OTC: variants seen among roughly 807,000 people sequenced by gnomAD.
The protein encoded by OTC is ornithine transcarbamylase, mitochondrial.
In OTC, 3 loss-of-function variants were observed where a neutral mutation model predicts 30.3. The observed-to-expected ratio is 0.10, with a 90% CI of 0.05 to 0.26. OTC has a LOEUF of 0.26. OTC is among the 10% of genes least tolerant of loss of function. The pLI, the probability that OTC is intolerant of heterozygous loss-of-function variation, is 1.00. For synonymous variants in OTC, 111 were observed against 99.7 expected (o/e 1.11, Z -0.67); for missense variants, 194 against 260.3 (o/e 0.75, Z 1.75).
chrX:38,356,883 G>T (rs1411621947), intron 1 of OTC, among the ~76,000 whole-genome samples: 2 of 111,814 alleles, frequency 1.8e-5, no homozygotes, highest in Non-Finnish European at 3.8e-5. Flanking sequence ...CATTATTATT[G>T]TTATTGTTAA....
chrX:38,408,859 G>A lies in OTC; in HGVS notation c.718-17G>A, dbSNP rs375464092. On this transcript the variant is annotated splice_polypyrimidine_tract_variant and intron_variant, in intron 7 of 9. Coordinates refer to ENST00000039007, the MANE Select transcript of OTC (RefSeq NM_000531.6). Reference sequence around the variant, plus strand: ...TGTCCCATGAAGTTATTTAACCAGCGTGTTTATGTATGCTAGAATGGTACC... The same window carrying A: ...TGTCCCATGAAGTTATTTAACCAGCATGTTTATGTATGCTAGAATGGTACC... 2 of 1,210,211 alleles carry A rather than the reference G, an allele frequency of 1.7e-6. No homozygotes were observed. Among genetic ancestry groups the A allele is most frequent in the South Asian group, 1.8e-5 (1 of 56,926 alleles).
chrX:38,422,791 T>C (rs777311977), downstream of OTC, among the ~76,000 whole-genome samples: 1 of 112,091 alleles, frequency 8.9e-6, no homozygotes, highest in Admixed American at 9.5e-5. Flanking sequence ...AATTCACCCT[T>C]AACTTTTGCA....
chrX:38,347,947 G>T (rs773714651), upstream of OTC, among the ~76,000 whole-genome samples: 2 of 111,958 alleles, frequency 1.8e-5, no homozygotes, highest in African/African-American at 3.2e-5. Flanking sequence ...CAATTTCAAA[G>T]AAATATTTCA....
At chrX:38,362,981 C>CATTCAGAGAATGCTTAAATAAAGCATT (rs2147321311) in intron 1 of OTC, among the ~76,000 whole-genome samples, 2 of 112,231 alleles carry the variant, frequency 1.8e-5, no homozygotes, top group African/African-American at 6.5e-5. Context: ...TTAAATAAAG[C>CATTCAGAGAATGCTTAAATAAAGCATT]CTGTAGCCTT....
In OTC at chrX:38,421,266, G is replaced by C; in HGVS notation, c.*184G>C. 2.3e-6 allele frequency: 1 copy of C among 429,729 alleles called. No individual in the cohort carries two copies. The highest frequency in any genetic ancestry group is 4.1e-6 in the Non-Finnish European group (1 of 242,882). 35.4% of individuals were successfully genotyped at this position (429,729 alleles called of 1,213,427 possible). A position where few individuals can be genotyped will look rare whatever the true frequency, so the allele number is the denominator to read the frequency against. The stretch of plus-strand genomic sequence containing the variant: ...CCTTTAATTTAAGTGCTGATGCACT[G>C]TAATACGTGCTTAACTTTGCTTAAA... On this transcript the variant is annotated 3_prime_UTR_variant, in exon 10 of 10. Transcript: ENST00000039007.
At chrX:38,346,779 C>G in the OTC span, among the ~76,000 whole-genome samples, 1 of 111,679 alleles carries the variant, frequency 9.0e-6, no homozygotes, top group East Asian at 2.8e-4. Context: ...ATCAATATAC[C>G]AGGGATTAGA....
intron 1 of OTC, among the ~76,000 whole-genome samples, chrX:38,355,114 C>T (rs2068233925): frequency 8.9e-6 from 1 of 111,904 alleles, no homozygotes; most frequent in Non-Finnish European, 1.9e-5. Flanking sequence ...ATAGGAATCG[C>T]AGTTTTGAAG....
chrX:38,357,291 A>C (rs903262123), intron 1 of OTC, among the ~76,000 whole-genome samples: 4 of 112,446 alleles, frequency 3.6e-5, no homozygotes, highest in African/African-American at 1.3e-4. Flanking sequence ...GATCCCTTCC[A>C]ATTGATCAAG....
chrX:38,413,674 T>TG (rs201849207), intron 9 of OTC, among the ~76,000 whole-genome samples: 4,938 of 105,720 alleles, frequency 0.047, 130 homozygotes, highest in Admixed American at 0.088. Flanking sequence ...TATTTTTTTT[T>TG]TTTGTTTTTT....
chrX:38,348,695 C>A (rs1344426171), upstream of OTC, among the ~76,000 whole-genome samples: 4 of 109,693 alleles, frequency 3.6e-5, no homozygotes, highest in African/African-American at 1.3e-4. Flanking sequence ...CGCCACCACA[C>A]CCAGCTAATT....
At chrX:38,356,769 C>T (rs920840239) in intron 1 of OTC, among the ~76,000 whole-genome samples, 2 of 110,163 alleles carry the variant, frequency 1.8e-5, no homozygotes, top group Admixed American at 9.6e-5. Context: ...CTGGGGGTCG[C>T]GGGTTTGGGG....
intron 6 of OTC, among the ~76,000 whole-genome samples, chrX:38,406,121 A>G (rs2068514890): frequency 8.9e-6 from 1 of 111,991 alleles, no homozygotes; most frequent in African/African-American, 3.2e-5. Flanking sequence ...GGTGGGAGTA[A>G]GAGTTTTGCA....
chrX:38,384,051 G>A (rs1332630786), intron 4 of OTC, among the ~76,000 whole-genome samples: 2 of 112,167 alleles, frequency 1.8e-5, no homozygotes, highest in Non-Finnish European at 3.8e-5. Flanking sequence ...TGACAGATTA[G>A]GCACTGAACA....
chrX:38,386,144 G>A (rs1442601343), intron 4 of OTC, among the ~76,000 whole-genome samples: 1 of 105,721 alleles, frequency 9.5e-6, no homozygotes, highest in Non-Finnish European at 1.9e-5. Context: ...GGAGGCCAAG[G>A]TGGGCAGATC....
chrX:38,401,460 A>G, intron 5 of OTC, 32 bp downstream of exon 5: 3 of 1,110,449 alleles, frequency 2.7e-6, no homozygotes, highest in Non-Finnish European at 2.5e-6. Flanking sequence ...ACAAAAGAGC[A>G]AAATCAAATA....
intron 9 of OTC, among the ~76,000 whole-genome samples, chrX:38,414,286 ACG>A (rs1449740796): frequency 1.8e-5 from 2 of 112,031 alleles, no homozygotes; most frequent in East Asian, 5.6e-4. Context: ...TTATTAAACA[ACG>A]TCTTTAAAAC....
At chrX:38,376,409 G>T (rs952647262) in intron 3 of OTC, among the ~76,000 whole-genome samples, 6 of 111,977 alleles carry the variant, frequency 5.4e-5, no homozygotes, top group Non-Finnish European at 1.1e-4. Flanking sequence ...AAGGGGAGTG[G>T]CTTCTAGTGC....
chrX:38,335,022 C>G, the OTC span, among the ~76,000 whole-genome samples: 1 of 111,891 alleles, frequency 8.9e-6, no homozygotes, highest in Non-Finnish European at 1.9e-5. Context: ...CAGCTTCATC[C>G]CAAAACCAGC....
At chrX:38,348,276 C>T (rs1050538384), upstream of OTC, among the ~76,000 whole-genome samples, 2 of 112,244 alleles carry the variant, frequency 1.8e-5, no homozygotes, top group Admixed American at 9.5e-5. Flanking sequence ...TTGTACTTCT[C>T]ACACAATGGC....
Sources: allele counts gnomAD v4.1 joint callset (sites outside exome capture counted in the v4.1 genomes callset), GRCh38; gene constraint gnomAD v4.1.1; transcripts MANE v1.5; gene names NCBI Gene and HGNC (gene_info 2026-07-23, HGNC 2026-07-21).